ESRRG: variants seen among roughly 807,000 people sequenced by gnomAD.
ESRRG encodes estrogen-related receptor gamma.
A neutral mutation model predicts 44.0 loss-of-function variants in ESRRG; 13 were observed. The ratio of observed to expected loss-of-function variants is 0.30; its 90% CI spans 0.19 to 0.47. The LOEUF is 0.47. ESRRG is among the 20% of genes least tolerant of loss of function. The pLI is 1.00. For synonymous variants in ESRRG, 215 were observed against 214.6 expected, an observed-to-expected ratio of 1.00 and a Z score of -0.02; for missense variants, 395 against 580.6, an observed-to-expected ratio of 0.68 and a Z score of 3.29.
chr1:216,898,317 C>A (rs886445002), intron 2 of ESRRG, among the ~76,000 whole-genome samples: 3 of 152,044 alleles, frequency 2.0e-5, no homozygotes, highest in African/African-American at 7.2e-5. Context: ...GCCGAGACTA[C>A]TATAAGAAGT....
intron 1 of ESRRG, among the ~76,000 whole-genome samples, chr1:216,717,161 T>C (rs1329256464): frequency 6.6e-6 from 1 of 151,914 alleles, no homozygotes; most frequent in African/African-American, 2.4e-5. Context: ...ATCTAAACTC[T>C]CTCAATTCAA....
upstream of ESRRG, among the ~76,000 whole-genome samples, chr1:217,090,187 G>A (rs533963276): frequency 2.0e-5 from 3 of 152,148 alleles, no homozygotes; most frequent in South Asian, 6.2e-4. Context: ...CGCTGCAAAC[G>A]GAAAGCAAGC....
At chr1:216,842,390 G>A (rs2095666987) in intron 2 of ESRRG, among the ~76,000 whole-genome samples, 1 of 152,098 alleles carries the variant, frequency 6.6e-6, no homozygotes, top group Admixed American at 6.6e-5. Context: ...ACTACCAAGG[G>A]AGCCTATTAG....
intron 2 of ESRRG, among the ~76,000 whole-genome samples, chr1:216,819,786 G>A (rs1282760819): frequency 2.0e-5 from 3 of 152,164 alleles, no homozygotes; most frequent in Non-Finnish European, 4.4e-5. Flanking sequence ...GCAGAGGGAT[G>A]TAACACCATT....
intron 2 of ESRRG, among the ~76,000 whole-genome samples, chr1:216,783,890 G>T (rs1240515898): frequency 6.6e-6 from 1 of 152,046 alleles, no homozygotes; most frequent in Non-Finnish European, 1.5e-5. Flanking sequence ...CTCTCTCGAA[G>T]AATTAGAATA....
At chr1:216,732,509 T>C (rs2089035607) in intron 2 of ESRRG, among the ~76,000 whole-genome samples, 1 of 152,018 alleles carries the variant, frequency 6.6e-6, no homozygotes, top group Non-Finnish European at 1.5e-5. Context: ...CCAGAGTAGC[T>C]GAGACTACAG....
At chr1:217,069,266 C>T (rs1018338503) in intron 1 of ESRRG, among the ~76,000 whole-genome samples, 9 of 152,138 alleles carry the variant, frequency 5.9e-5, no homozygotes, top group African/African-American at 2.2e-4. Context: ...CATCTGACTC[C>T]AAGTTCTTCA....
rs1029687943 is a variant in ESRRG, at chr1:216,504,502, T to C, written c.*2437A>G. The stretch of plus-strand genomic sequence containing the variant: ...AACCACAATCTACAATATAGTCCCA[T>C]ATAGCTAATGATAGATACACAGTAT... On this transcript the variant is annotated 3_prime_UTR_variant, in exon 7 of 7. Transcript: ENST00000408911. 1 of 152,554 alleles carries C rather than the reference T, an allele frequency of 6.6e-6. No individual in the cohort carries two copies. The highest frequency in any genetic ancestry group is 1.5e-5 in the Non-Finnish European group (1 of 68,000). The allele number at this position is 152,554 out of a possible 1,614,324, so 9.5% of individuals were successfully genotyped here. A position where few individuals can be genotyped will look rare whatever the true frequency, so the allele number is the denominator to read the frequency against.
At chr1:217,069,857 G>GA (rs566081191) in intron 1 of ESRRG, among the ~76,000 whole-genome samples, 30 of 151,928 alleles carry the variant, frequency 2.0e-4, no homozygotes, top group Middle Eastern at 3.4e-3. Flanking sequence ...TGGATTCTAA[G>GA]AAAAAAAATA....
intron 2 of ESRRG, among the ~76,000 whole-genome samples, chr1:216,810,916 A>T (rs1268892538): frequency 6.6e-6 from 1 of 151,754 alleles, no homozygotes; most frequent in Non-Finnish European, 1.5e-5. Context: ...CTCGCTTTCC[A>T]AAAAGCAATA....
At position 217,060,814 on chromosome 1, in the gene ESRRG, A is replaced by AGATAGATAGAT. The variant is rs1553266106; in HGVS notation, c.-106+28682_-106+28692dup. Among the ~76,000 whole-genome samples the AGATAGATAGAT allele has an allele frequency of 2.5e-3, 148 of 60,328 alleles. 1 individual carries two copies. In the East Asian group the frequency reaches 0.061, roughly 25 times the overall value. 39.6% of individuals were successfully genotyped at this position (60,328 alleles called of 152,430 possible). On this transcript the variant is annotated intron_variant, in intron 1 of 7. Transcript: ENST00000359162. ...TAGATAGATAGATAGATAGATAGATAGATAGATAGATAGATAGAAAAAAGG... is the reference window on the plus strand; with the variant it reads ...TAGATAGATAGATAGATAGATAGATAGATAGATAGATGATAGATAGATAGATAGAAAAAAGG...
intron 2 of ESRRG, among the ~76,000 whole-genome samples, chr1:216,728,983 G>A (rs1387285708): frequency 6.6e-6 from 1 of 152,118 alleles, no homozygotes; most frequent in Admixed American, 6.6e-5. Context: ...TGTCAGACCT[G>A]GAAGAAGGTT....
At chr1:216,761,405 A>G (rs1046666296) in intron 2 of ESRRG, among the ~76,000 whole-genome samples, 1 of 152,142 alleles carries the variant, frequency 6.6e-6, no homozygotes, top group Non-Finnish European at 1.5e-5. Context: ...AAAACAAAGT[A>G]AAACAATCTT....
At chr1:216,927,164 A>G (rs548874988) in intron 2 of ESRRG, among the ~76,000 whole-genome samples, 1 of 152,260 alleles carries the variant, frequency 6.6e-6, no homozygotes, top group African/African-American at 2.4e-5. Flanking sequence ...AATTTTATAG[A>G]CACTCCTCTC....
At chr1:216,811,309 G>A (rs538452672) in intron 2 of ESRRG, among the ~76,000 whole-genome samples, 25 of 151,816 alleles carry the variant, frequency 1.6e-4, no homozygotes, top group Middle Eastern at 3.4e-3. Flanking sequence ...ATGGTCTATC[G>A]TCCACATTTG....
intron 1 of ESRRG, among the ~76,000 whole-genome samples, chr1:217,049,796 A>G (rs750942866): frequency 3.9e-5 from 6 of 152,184 alleles, no homozygotes; most frequent in African/African-American, 1.2e-4. Context: ...AGAAGTCAAC[A>G]GCAGCTTTTC....
At chr1:217,029,873 G>A (rs1260188282) in intron 1 of ESRRG, among the ~76,000 whole-genome samples, 1 of 152,186 alleles carries the variant, frequency 6.6e-6, no homozygotes, top group African/African-American at 2.4e-5. Flanking sequence ...GAAAGGCGCG[G>A]GTTTGAGGTT....
At position 216,688,259 on chromosome 1, in the gene ESRRG, T is replaced by C. The variant is rs114977447; in HGVS notation, c.57-10768A>G. ...TTCAGTGAGTGGAGCGGGAAAGCCATGTCTTTAACCAGATCAAATTCTCGA... is the reference window on the plus strand; with the variant it reads ...TTCAGTGAGTGGAGCGGGAAAGCCACGTCTTTAACCAGATCAAATTCTCGA... On this transcript the variant is annotated intron_variant, in intron 1 of 6. Coordinates refer to ENST00000408911, the MANE Select transcript of ESRRG (RefSeq NM_001438.4). Among the ~76,000 whole-genome samples, 1,269 of 152,320 alleles carry C rather than the reference T, an allele frequency of 8.3e-3. 20 individuals are homozygous for C. The highest frequency in any genetic ancestry group is 0.029 in the African/African-American group (1,198 of 41,566).
chr1:217,106,486 G>C (rs1403676590), intron 1 of ESRRG, among the ~76,000 whole-genome samples: 1 of 151,908 alleles, frequency 6.6e-6, no homozygotes, highest in Admixed American at 6.6e-5. Flanking sequence ...ATTTAGTTCA[G>C]TGTGAATTGA....
Sources: allele counts gnomAD v4.1 joint callset (sites outside exome capture counted in the v4.1 genomes callset), GRCh38; gene constraint gnomAD v4.1.1; transcripts MANE v1.5; gene names NCBI Gene and HGNC (gene_info 2026-07-23, HGNC 2026-07-21).